The following NINL variants were observed in gnomAD, a reference collection of about 807,000 sequenced individuals.
NINL encodes the protein ninein like.
A neutral mutation model predicts 160.3 loss-of-function variants in NINL; 153 were observed. The observed-to-expected ratio is 0.95, with a 90% CI of 0.84 to 1.09. The LOEUF (loss-of-function observed/expected upper bound fraction) is 1.09. Ranked by LOEUF, NINL falls within the 50% of genes least tolerant of loss-of-function variation. The pLI, the probability that NINL is intolerant of heterozygous loss-of-function variation, is 0.00. For missense variants in NINL, 1,829 were observed against 1,764.0 expected (o/e 1.04, Z -0.66); for synonymous variants, 800 against 734.8 (o/e 1.09, Z -1.43).
intron 13 of NINL, among the ~76,000 whole-genome samples, chr20:25,488,780 A>C (rs531863680): frequency 6.6e-6 from 1 of 152,258 alleles, no homozygotes; most frequent in East Asian, 1.9e-4. Flanking sequence ...TAAATTAATA[A>C]ATTTAAAAAA....
At chr20:25,500,448 C>T (rs1176145879) in intron 8 of NINL, among the ~76,000 whole-genome samples, 5 of 152,152 alleles carry the variant, frequency 3.3e-5, no homozygotes, top group African/African-American at 9.7e-5. Context: ...CAGGAGAGTC[C>T]GGGCTCACTC....
Position 25,491,430 on chromosome 20 carries a change from C to G in NINL, c.1406G>C (p.Arg469Thr), listed in dbSNP as rs778013280. Residue 469 changes from arginine to threonine, a missense_variant, in exon 11 of 24, where the codon AGG becomes ACG. Transcript: ENST00000278886. ...CCCCACGTCCCACTCCAGCGCGGCCCTCTGCCTGTGGGCCTGCTCCCAGAA... is the reference window on the plus strand; with the variant it reads ...CCCCACGTCCCACTCCAGCGCGGCCGTCTGCCTGTGGGCCTGCTCCCAGAA... ...ELFWEQAHRQ[R>T]AALEWDVGRL... 42 of 1,613,698 alleles carry G rather than the reference C, an allele frequency of 2.6e-5. No homozygotes were observed. Among genetic ancestry groups the G allele is most frequent in the Non-Finnish European group, 3.2e-5 (38 of 1,180,022 alleles).
chr20:25,514,049 G>A (rs2064120798), intron 3 of NINL, among the ~76,000 whole-genome samples: 2 of 152,224 alleles, frequency 1.3e-5, no homozygotes, highest in Non-Finnish European at 2.9e-5. Flanking sequence ...GGCAGAAGTT[G>A]GGACGGTTTA....
chr20:25,526,386 G>A (rs779552977), intron 2 of NINL, 22 bp downstream of exon 2: 6 of 1,592,174 alleles, frequency 3.8e-6, no homozygotes, highest in Non-Finnish European at 3.4e-6. Flanking sequence ...TTTCCTTTAT[G>A]ACAATGAAGT....
At chr20:25,456,920 A>T (rs2090699402) in intron 22 of NINL, among the ~76,000 whole-genome samples, 1 of 151,542 alleles carries the variant, frequency 6.6e-6, no homozygotes, top group Non-Finnish European at 1.5e-5. Context: ...TGACAGAGTA[A>T]GACTCTATCT....
At chr20:25,540,401 G>A (rs767138625) in intron 1 of NINL, among the ~76,000 whole-genome samples, 4 of 152,230 alleles carry the variant, frequency 2.6e-5, no homozygotes, top group Non-Finnish European at 5.9e-5. Context: ...GCAGGACAGT[G>A]CAGCCCTCTG....
chr20:25,558,239 GCT>G (rs1160677634), intron 1 of NINL, among the ~76,000 whole-genome samples: 12 of 152,150 alleles, frequency 7.9e-5, no homozygotes, highest in Non-Finnish European at 1.5e-4. Context: ...ATGGAGTCTT[GCT>G]CTGTCGCCTA....
chr20:25,499,408 G>A (rs1240505880), intron 8 of NINL, among the ~76,000 whole-genome samples: 3 of 152,194 alleles, frequency 2.0e-5, no homozygotes, highest in Non-Finnish European at 2.9e-5. Context: ...CAGCTCTAGC[G>A]CAAATGGGAA....
chr20:25,495,985 A>G (rs1326135250), intron 10 of NINL, among the ~76,000 whole-genome samples: 1 of 152,074 alleles, frequency 6.6e-6, no homozygotes, highest in African/African-American at 2.4e-5. Flanking sequence ...CTCTACTAAA[A>G]ATACAAAAAT....
rs1383933043 is a variant in NINL, at chr20:25,513,014, G to A, written c.278-8C>T. ...GGATGGCACTGGAGGCAGCTGGAAA[G>A]GAAACAGGAAATTTGGTGGGGGTCC... On this transcript the variant is annotated splice_polypyrimidine_tract_variant and splice_region_variant and intron_variant, in intron 3 of 23. Coordinates refer to ENST00000278886, the MANE Select transcript of NINL (RefSeq NM_025176.6). 2 of 1,591,776 alleles carry A rather than the reference G, an allele frequency of 1.3e-6. No homozygotes were observed. The highest frequency in any genetic ancestry group is 1.3e-5 in the African/African-American group (1 of 74,290).
chr20:25,585,005 G>A (rs1600385428), intron 1 of NINL, among the ~76,000 whole-genome samples: 1 of 152,332 alleles, frequency 6.6e-6, no homozygotes, highest in Non-Finnish European at 1.5e-5. Flanking sequence ...CACACTGGCA[G>A]GAGGGAATCC....
Position 25,461,650 on chromosome 20 carries a change from T to C in NINL, c.3583-15A>G, listed in dbSNP as rs776446407. On this transcript the variant is annotated splice_polypyrimidine_tract_variant and intron_variant, in intron 20 of 23. Transcript: ENST00000278886. ...ATTTGGTCACTCTGTTTTTAAAAAA[T>C]CAATTGCACAAGTCAAGAAGTATCT... The C allele has an allele frequency of 2.6e-6, 4 of 1,513,224 alleles. No individual in the cohort carries two copies. Among genetic ancestry groups the C allele is most frequent in the East Asian group, 4.5e-5 (2 of 44,408 alleles). The allele number at this position is 1,513,224 out of a possible 1,614,324, so 93.7% of individuals were successfully genotyped here.
At chr20:25,562,022 G>A (rs1215926991) in intron 1 of NINL, among the ~76,000 whole-genome samples, 1 of 147,374 alleles carries the variant, frequency 6.8e-6, no homozygotes, top group South Asian at 2.1e-4. Context: ...CGCCCCTACT[G>A]GGAAGTGAGG....
At chr20:25,555,387 C>T (rs540304236) in intron 1 of NINL, among the ~76,000 whole-genome samples, 2 of 152,268 alleles carry the variant, frequency 1.3e-5, no homozygotes, top group African/African-American at 4.8e-5. Context: ...GAGGCTATAT[C>T]TATTTACACA....
At chr20:25,489,577 C>T (rs760282027) in intron 12 of NINL, among the ~76,000 whole-genome samples, 1 of 152,048 alleles carries the variant, frequency 6.6e-6, no homozygotes, top group Non-Finnish European at 1.5e-5. Flanking sequence ...CCTGGGCAGC[C>T]CCTCTCCCCA....
In NINL at chr20:25,538,606, C is replaced by A. The variant is rs114784575; in HGVS notation, c.-11-12008G>T. Among the ~76,000 whole-genome samples, 1,398 of 152,264 alleles carry A rather than the reference C, an allele frequency of 9.2e-3. 21 individuals carry two copies. The highest frequency in any genetic ancestry group is 0.029 in the African/African-American group (1,206 of 41,538). The stretch of plus-strand genomic sequence containing the variant: ...CCATGGCATGGCCTCTGCTCCCAGG[C>A]ATGGACATGGCCTGGCCCCAGGGTC... On this transcript the variant is annotated intron_variant, in intron 1 of 23. Transcript: ENST00000278886.
At chr20:25,582,014 T>C (rs1403808866) in intron 1 of NINL, among the ~76,000 whole-genome samples, 1 of 152,150 alleles carries the variant, frequency 6.6e-6, no homozygotes, top group Non-Finnish European at 1.5e-5. Context: ...TCCCAGCACC[T>C]TGGGAGGCCG....
chr20:25,482,122 C>T lies in NINL; in HGVS notation c.1678-22G>A, dbSNP rs780370860. 1.4e-5 allele frequency: 22 copies of T among 1,584,610 alleles called. No homozygotes were observed. The South Asian group carries it at 1.7e-4, about 12-fold the overall frequency. ...GGTCCTGTGGGGACAGAGCCAGCCA[C>T]CTCCTCTAGCAGCTGCAGCCATTCA... On this transcript the variant is annotated intron_variant, in intron 13 of 23. Transcript: ENST00000278886.
At chr20:25,546,940 A>G (rs913793) in intron 1 of NINL, among the ~76,000 whole-genome samples, 147,800 of 152,190 alleles carry the variant, frequency 0.97, 71,911 homozygotes, top group Non-Finnish European at 1. Flanking sequence ...GCCTCTCCTC[A>G]GCTTGCAGAT....
Sources: gnomAD v4.1 joint callset for allele counts (sites outside exome capture counted in the v4.1 genomes callset) on GRCh38, gnomAD v4.1.1 for gene constraint, MANE v1.5 for transcripts, NCBI Gene and HGNC (gene_info 2026-07-23, HGNC 2026-07-21) for gene names.